PRKAG2: variants seen among roughly 807,000 people sequenced by gnomAD.
PRKAG2 encodes protein kinase AMP-activated non-catalytic subunit gamma 2, also known as 5'-AMP-activated protein kinase subunit gamma-2.
In PRKAG2, 26 loss-of-function variants were observed where a neutral mutation model predicts 69.6. That is an observed-to-expected ratio of 0.37 (90% CI 0.27 to 0.52). PRKAG2 has a LOEUF of 0.52. Among genes scored for constraint, PRKAG2 ranks in the 20% least tolerant of loss-of-function variants. The pLI, the probability that PRKAG2 is intolerant of heterozygous loss-of-function variation, is 0.90. For synonymous variants in PRKAG2, 293 were observed against 285.0 expected (o/e 1.03, Z -0.28); for missense variants, 557 against 740.0 (o/e 0.75, Z 2.87).
chr7:151,559,733 G>A (rs1424044688), intron 15 of PRKAG2: 2 of 985,208 alleles, frequency 2.0e-6, no homozygotes, highest in Admixed American at 6.2e-5. Flanking sequence ...GTTTAATATT[G>A]GATTCTGAGA....
At chr7:151,843,090 G>A (rs1182347519) in intron 1 of PRKAG2, among the ~76,000 whole-genome samples, 1 of 151,992 alleles carries the variant, frequency 6.6e-6, no homozygotes, top group Non-Finnish European at 1.5e-5. Flanking sequence ...CAAACACACA[G>A]TGTCTATATA....
intron 4 of PRKAG2, among the ~76,000 whole-genome samples, chr7:151,657,364 T>C (rs1439142986): frequency 6.6e-6 from 1 of 152,180 alleles, no homozygotes; most frequent in Non-Finnish European, 1.5e-5. Context: ...GCTGGACTGT[T>C]CTGTGTGTCA....
intron 3 of PRKAG2, among the ~76,000 whole-genome samples, chr7:151,759,035 C>T (rs1438622843): frequency 6.6e-6 from 1 of 152,170 alleles, no homozygotes; most frequent in Non-Finnish European, 1.5e-5. Flanking sequence ...ATCCGATCGA[C>T]ATCCGATGGC....
chr7:151,856,148 G>C (rs1044989851), intron 1 of PRKAG2, among the ~76,000 whole-genome samples: 4 of 152,210 alleles, frequency 2.6e-5, no homozygotes, highest in African/African-American at 9.7e-5. Flanking sequence ...CCTACATAGG[G>C]TATCATTTAA....
chr7:151,599,316 C>A (rs549910630), intron 5 of PRKAG2, among the ~76,000 whole-genome samples: 1 of 152,108 alleles, frequency 6.6e-6, no homozygotes, highest in Non-Finnish European at 1.5e-5. Context: ...CTTGATTTTG[C>A]ACCCCAGAAC....
intron 1 of PRKAG2, among the ~76,000 whole-genome samples, chr7:151,858,542 A>G (rs2079841600): frequency 6.6e-6 from 1 of 152,022 alleles, no homozygotes; most frequent in Non-Finnish European, 1.5e-5. Flanking sequence ...ATTCCCCTCC[A>G]CTATTCACCT....
chr7:151,651,740 C>T (rs1828547394), intron 4 of PRKAG2, among the ~76,000 whole-genome samples: 1 of 152,186 alleles, frequency 6.6e-6, no homozygotes, highest in Non-Finnish European at 1.5e-5. Flanking sequence ...AAGAAACTAC[C>T]ACTTGTCCTC....
intron 1 of PRKAG2, among the ~76,000 whole-genome samples, chr7:151,800,373 A>AG (rs1356072948): frequency 1.3e-5 from 2 of 151,208 alleles, no homozygotes; most frequent in African/African-American, 4.9e-5. Context: ...AAAAAAAAAA[A>AG]AGAAAGTCGC....
chr7:151,813,663 T>G (rs1469323175), intron 1 of PRKAG2, among the ~76,000 whole-genome samples: 1 of 151,932 alleles, frequency 6.6e-6, no homozygotes, highest in East Asian at 1.9e-4. Context: ...AGCCTCCCCC[T>G]CCTCCTCTCC....
At chr7:151,800,382 G>A (rs917236220) in intron 1 of PRKAG2, among the ~76,000 whole-genome samples, 1 of 146,360 alleles carries the variant, frequency 6.8e-6, no homozygotes, top group Non-Finnish European at 1.5e-5. Context: ...AAAGAAAGTC[G>A]CCTCCCATCT....
At chr7:151,730,263 C>T (rs1200137180) in intron 3 of PRKAG2, among the ~76,000 whole-genome samples, 1 of 152,246 alleles carries the variant, frequency 6.6e-6, no homozygotes, top group Non-Finnish European at 1.5e-5. Context: ...AGTGTGGGAA[C>T]AGAGGCCAGC....
intron 3 of PRKAG2, among the ~76,000 whole-genome samples, chr7:151,717,801 C>A (rs530948991): frequency 6.6e-6 from 1 of 152,188 alleles, no homozygotes; most frequent in Admixed American, 6.5e-5. Context: ...GGTTTTTCAG[C>A]CTATAAAGTT....
chr7:151,581,065 T>C (rs1323189414), intron 6 of PRKAG2, among the ~76,000 whole-genome samples: 1 of 152,066 alleles, frequency 6.6e-6, no homozygotes, highest in Non-Finnish European at 1.5e-5. Context: ...ACCCTATAAG[T>C]ATATACACAT....
At chr7:151,582,296 C>A (rs1478181416) in intron 6 of PRKAG2, among the ~76,000 whole-genome samples, 13 of 152,030 alleles carry the variant, frequency 8.6e-5, no homozygotes, top group Middle Eastern at 3.2e-3. Flanking sequence ...ACCACAGGTG[C>A]ACACCACCAC....
intron 8 of PRKAG2, among the ~76,000 whole-genome samples, chr7:151,574,125 T>G (rs1453158452): frequency 1.3e-5 from 2 of 152,182 alleles, no homozygotes; most frequent in African/African-American, 4.8e-5. Context: ...GATGTAAGAA[T>G]TATTGGATAA....
At position 151,675,465 on chromosome 7, in the gene PRKAG2, G is replaced by C. The variant is rs140001300; in HGVS notation, c.639C>G (p.Thr213=). ...GTGTCGGTGATGCCAGTGGAGGCCT[G>C]GTCGGGCTCTGGAAGGAAGACGGGC... ...RFCPSSFQSP[T]RPPLASPTHY... is the part of the protein sequence containing the mutation. The change falls in exon 4 of 16, where the codon ACC becomes ACG. Residue 213 remains threonine (T), a synonymous_variant. Transcript: ENST00000287878. 1 of 1,614,188 alleles carries C rather than the reference G, an allele frequency of 6.2e-7. No individual in the cohort carries two copies. Among genetic ancestry groups the C allele is most frequent in the Non-Finnish European group, 8.5e-7 (1 of 1,180,032 alleles).
In PRKAG2 at chr7:151,876,837, C is replaced by T. The variant is rs1329138924; in HGVS notation, c.-217G>A. ...CAAGCGTCCTTTCCTACGGAACCCTCGTAGGCAAATCAGTCAAAGCCCGTC... is the reference window on the plus strand; with the variant it reads ...CAAGCGTCCTTTCCTACGGAACCCTTGTAGGCAAATCAGTCAAAGCCCGTC... On this transcript the variant is annotated 5_prime_UTR_variant, in exon 1 of 16. Transcript: ENST00000287878. The T allele has an allele frequency of 6.6e-6, 4 of 609,782 alleles. No homozygotes were observed. In the Admixed American group the frequency reaches 1.1e-4, roughly 16 times the overall value. 37.8% of individuals were successfully genotyped at this position (609,782 alleles called of 1,614,324 possible). A position where few individuals can be genotyped will look rare whatever the true frequency, so the allele number is the denominator to read the frequency against.
At chr7:151,714,767 T>C (rs1375190379) in intron 3 of PRKAG2, among the ~76,000 whole-genome samples, 1 of 151,662 alleles carries the variant, frequency 6.6e-6, no homozygotes, top group African/African-American at 2.4e-5. Flanking sequence ...CTGGACAACA[T>C]GGCGAAACCT....
intron 3 of PRKAG2, among the ~76,000 whole-genome samples, chr7:151,747,939 T>G (rs969617012): frequency 1.7e-4 from 23 of 135,108 alleles, no homozygotes; most frequent in African/African-American, 4.1e-4. Context: ...TTTTTTTTTT[T>G]GGGACAAGGT....
Sources: gnomAD v4.1 joint callset for allele counts (sites outside exome capture counted in the v4.1 genomes callset) on GRCh38, gnomAD v4.1.1 for gene constraint, MANE v1.5 for transcripts, NCBI Gene and HGNC (gene_info 2026-07-23, HGNC 2026-07-21) for gene names.